KIAA1671: variants seen among roughly 807,000 people sequenced by gnomAD.
The protein encoded by KIAA1671 is uncharacterized protein KIAA1671.
A neutral mutation model predicts 131.2 loss-of-function variants in KIAA1671; 52 were observed. The observed-to-expected ratio is 0.40, with a 90% CI of 0.32 to 0.50. The LOEUF is 0.50. Ranked by LOEUF, KIAA1671 falls within the 20% of genes least tolerant of loss-of-function variation. KIAA1671 has a pLI of 0.73. For missense variants in KIAA1671, 2,360 were observed against 2,364.2 expected, an observed-to-expected ratio of 1.00 and a Z score of 0.04; for synonymous variants, 1,003 against 961.6, an observed-to-expected ratio of 1.04 and a Z score of -0.80.
chr22:25,052,292 TGC>T (rs1927574185), intron 6 of KIAA1671: 1 of 152,202 alleles, frequency 6.6e-6, no homozygotes, highest in Non-Finnish European at 1.5e-5. Context: ...TTGCAGAGGG[TGC>T]CTGGGACCTG....
intron 6 of KIAA1671, among the ~76,000 whole-genome samples, chr22:25,166,713 A>C (rs1053129765): frequency 6.6e-6 from 1 of 152,184 alleles, no homozygotes; most frequent in Admixed American, 6.5e-5. Context: ...TTATCTGTTG[A>C]TACCTCAAAA....
At position 25,174,372 on chromosome 22, in the gene KIAA1671, G is replaced by A; in HGVS notation, c.4782G>A (p.Gln1594=). 1 of 1,552,066 alleles carries A rather than the reference G, an allele frequency of 6.4e-7. No homozygotes were observed. ...ACCAGTATGACTGCTCCAGGGACCA[G>A]CGGAGCACCAGCGTGGACCACTCCA... ...AGDQYDCSRD[Q]RSTSVDHSST... The change falls in exon 8 of 13, where the codon CAG becomes CAA. Residue 1594 remains glutamine, a synonymous_variant. Transcript: ENST00000358431.
chr22:24,993,586 C>T (rs1923955882), intron 1 of KIAA1671, among the ~76,000 whole-genome samples: 1 of 152,150 alleles, frequency 6.6e-6, no homozygotes, highest in Admixed American at 6.5e-5. Context: ...CCATCACCTC[C>T]CTTGTCACAT....
chr22:25,001,245 G>A lies in KIAA1671; in HGVS notation c.-207-24388G>A, dbSNP rs12167048. ...TATGTATGTGTGTGTATATGTGTGT[G>A]TGTGTGTATGTGTGTGTATATATAT... On this transcript the variant is annotated intron_variant, in intron 1 of 12. Transcript: ENST00000358431. 4.9e-5 allele frequency among the ~76,000 whole-genome samples: 7 copies of A among 142,160 alleles called. No individual in the cohort carries two copies. In the Admixed American group the frequency reaches 4.9e-4, roughly 10 times the overall value. 93.3% of individuals were successfully genotyped at this position (142,160 alleles called of 152,430 possible).
In KIAA1671 at chr22:25,066,569, A is replaced by C. The variant is rs116252074; in HGVS notation, c.4530+17205A>C. Among the ~76,000 whole-genome samples, 835 of 152,342 alleles carry C rather than the reference A, an allele frequency of 5.5e-3. 10 individuals are homozygous for C. The highest frequency in any genetic ancestry group is 0.019 in the African/African-American group (809 of 41,574). On this transcript the variant is annotated intron_variant, in intron 6 of 12. Coordinates refer to ENST00000358431, the MANE Select transcript of KIAA1671 (RefSeq NM_001145206.2). ...CTTGGGAATTAAGTTCCAGCTGATGAATTTTGGAGAAACACATACATTCAA... is the reference window on the plus strand; with the variant it reads ...CTTGGGAATTAAGTTCCAGCTGATGCATTTTGGAGAAACACATACATTCAA...
intron 1 of KIAA1671, among the ~76,000 whole-genome samples, chr22:25,017,844 G>C (rs576908785): frequency 9.9e-5 from 15 of 152,218 alleles, no homozygotes; most frequent in African/African-American, 3.6e-4. Flanking sequence ...AAGTGTCTTC[G>C]GTGTAACAAG....
chr22:24,991,697 G>A (rs1242355241), intron 1 of KIAA1671, among the ~76,000 whole-genome samples: 2 of 147,564 alleles, frequency 1.4e-5, no homozygotes, highest in Admixed American at 6.9e-5. Context: ...TCCTGACCTC[G>A]TGATCCGCCT....
At chr22:25,175,547 G>A (rs531162847) in intron 8 of KIAA1671, 1 of 152,272 alleles carries the variant, frequency 6.6e-6, no homozygotes, top group African/African-American at 2.4e-5. Flanking sequence ...CACCTCCCTG[G>A]GTGTCATCAG....
intron 9 of KIAA1671, among the ~76,000 whole-genome samples, chr22:25,180,396 G>T (rs958112779): frequency 6.6e-6 from 1 of 152,130 alleles, no homozygotes; most frequent in Non-Finnish European, 1.5e-5. Flanking sequence ...AAAATAGCTG[G>T]GCATGATGGC....
intron 6 of KIAA1671, among the ~76,000 whole-genome samples, chr22:25,100,181 C>T (rs961991864): frequency 6.6e-6 from 1 of 152,206 alleles, no homozygotes; most frequent in Non-Finnish European, 1.5e-5. Context: ...GGCTCTTCCT[C>T]TCCATTCAGC....
chr22:25,167,959 T>G (rs1398543437), intron 6 of KIAA1671, among the ~76,000 whole-genome samples: 1 of 152,164 alleles, frequency 6.6e-6, no homozygotes, highest in African/African-American at 2.4e-5. Context: ...ATTTTCTCAC[T>G]GAATTCTTGT....
chr22:25,131,282 C>G (rs1932429356), intron 6 of KIAA1671, among the ~76,000 whole-genome samples: 1 of 152,210 alleles, frequency 6.6e-6, no homozygotes, highest in Non-Finnish European at 1.5e-5. Flanking sequence ...CCCTCCCTGC[C>G]CCCATGGTAC....
intron 1 of KIAA1671, among the ~76,000 whole-genome samples, chr22:24,969,243 G>A (rs1303936867): frequency 6.6e-6 from 1 of 152,098 alleles, no homozygotes; most frequent in East Asian, 1.9e-4. Context: ...TTGTCCCTTG[G>A]TATACTCAGG....
At chr22:25,181,026 T>C (rs4822564) in intron 9 of KIAA1671, among the ~76,000 whole-genome samples, 49,385 of 152,058 alleles carry the variant, frequency 0.32, 8,423 homozygotes, top group East Asian at 0.48. Flanking sequence ...CCTCAGTTCC[T>C]CGGGTAGCCC....
chr22:25,089,537 G>A (rs546946865), intron 6 of KIAA1671, among the ~76,000 whole-genome samples: 1 of 152,074 alleles, frequency 6.6e-6, no homozygotes, highest in Non-Finnish European at 1.5e-5. Flanking sequence ...GCCTCTCAAA[G>A]TGCTGGGATT....
intron 4 of KIAA1671, among the ~76,000 whole-genome samples, chr22:25,033,226 G>GA (rs533810224): frequency 3.3e-5 from 5 of 150,190 alleles, no homozygotes; most frequent in Admixed American, 1.3e-4. Flanking sequence ...ATCTCTAAAA[G>GA]AAAAAAAAAA....
At chr22:25,089,520 C>G (rs1021397561) in intron 6 of KIAA1671, among the ~76,000 whole-genome samples, 8 of 151,942 alleles carry the variant, frequency 5.3e-5, no homozygotes, top group Non-Finnish European at 8.8e-5. Context: ...GTGATCCACC[C>G]GCCTCAGCCT....
rs1320361716 is a variant in KIAA1671, at chr22:25,040,929, G to A, written c.3799G>A (p.Glu1267Lys). The A allele has an allele frequency of 1.3e-5, 19 of 1,489,896 alleles. No individual in the cohort carries two copies. Among genetic ancestry groups the A allele is most frequent in the African/African-American group, 1.3e-4 (9 of 70,822 alleles). The allele number at this position is 1,489,896 out of a possible 1,614,324, so 92.3% of individuals were successfully genotyped here. ...TCTCTGGAAACCGGCCAGTTCTGCC[G>A]AAATAAATCACAGTTTCACTCCTGG... The part of the protein sequence containing the change: ...GGLWKPASSA[E>K]INHSFTPGLG... Residue 1267 changes from glutamate to lysine, a missense_variant, in exon 5 of 13, where the codon GAA becomes AAA. Around this residue, in one of 3 missense-constraint regions of KIAA1671, gnomAD observed 1,161 missense variants for 1,204.7 expected, o/e 0.96. Transcript: ENST00000358431.
chr22:25,144,894 A>AC (rs1555882770), intron 6 of KIAA1671, among the ~76,000 whole-genome samples: 3 of 152,090 alleles, frequency 2.0e-5, no homozygotes, highest in African/African-American at 7.2e-5. Context: ...GTGTGACTGG[A>AC]TATTATCTGA....
Sources: gnomAD v4.1 joint callset for allele counts (sites outside exome capture counted in the v4.1 genomes callset) on GRCh38, gnomAD v4.1.1 for gene constraint, gnomAD v4.1.1 regional missense constraint, MANE v1.5 for transcripts, NCBI Gene and HGNC (gene_info 2026-07-23, HGNC 2026-07-21) for gene names.